Variants in CDK11A observed in about 807,000 individuals in gnomAD.
The protein encoded by CDK11A is cyclin-dependent kinase 11A.
Under a neutral mutation model 83.6 loss-of-function variants are expected in CDK11A, and 55 were observed. That is an observed-to-expected ratio of 0.66 (90% CI 0.53 to 0.82). The LOEUF is 0.82. CDK11A is among the 40% of genes least tolerant of loss of function. CDK11A has a pLI of 0.00. For missense variants in CDK11A, 564 were observed against 810.1 expected (o/e 0.70, Z 3.69); for synonymous variants, 247 against 302.7 (o/e 0.82, Z 1.91).
In CDK11A at chr1:1,704,072, C is replaced by T; in HGVS notation, c.1761G>A (p.Trp587Ter). The T allele has an allele frequency of 1.3e-6, 2 of 1,596,638 alleles. 1 individual carries two copies. The highest frequency in any genetic ancestry group is 1.7e-6 in the Non-Finnish European group (2 of 1,169,406). The change falls in exon 16 of 20, where the codon TGG becomes TGA. Residue 587 changes from tryptophan to a stop codon, truncating the protein, a stop_gained. Coordinates refer to ENST00000404249, the MANE Select transcript of CDK11A (RefSeq NM_024011.4). LOFTEE classifies it high-confidence loss of function. The stretch of plus-strand genomic sequence containing the variant: ...CAAGCAGCAGCTCTGGGGCGCGGTA[C>T]CACTGGGTCACCACGACCGGGGTGT... ...KAYTPVVVTQ[W>*]YRAPELLLGA...
In CDK11A at chr1:1,718,638, CTTT is replaced by C. The variant is rs70937182; in HGVS notation, c.355+687_355+689del. ...CACGTATGCTTTCAGCTAGAGTATT[CTTT>C]TTTTTTTTTTTGAGACGGAGTCTTG... On this transcript the variant is annotated intron_variant, in intron 4 of 19. Transcript: ENST00000404249. 1.2e-4 allele frequency among the ~76,000 whole-genome samples: 16 copies of C among 134,730 alleles called. 1 individual carries two copies. Among genetic ancestry groups the C allele is most frequent in the Non-Finnish European group, 2.4e-4 (15 of 63,220 alleles). The allele number at this position is 134,730 out of a possible 152,430, so 88.4% of individuals were successfully genotyped here.
chr1:1,706,770 G>C (rs1644328222), intron 11 of CDK11A, among the ~76,000 whole-genome samples: 2 of 150,936 alleles, frequency 1.3e-5, no homozygotes, highest in African/African-American at 4.9e-5. Context: ...CTAAGGGGCA[G>C]AGGCGCTCAC....
At chr1:1,704,501 G>A in intron 14 of CDK11A, 49 bp downstream of exon 14, 2 of 1,581,726 alleles carry the variant, frequency 1.3e-6, no homozygotes, top group South Asian at 1.2e-5. Context: ...GGGTGACCAG[G>A]ACACTGCCCC....
chr1:1,716,564 A>G, intron 4 of CDK11A, 86 bp from the exon 5 acceptor site: 4 of 1,437,594 alleles, frequency 2.8e-6, no homozygotes, highest in Admixed American at 3.7e-5. Context: ...CTGTAATCCC[A>G]GCACTTTGGG....
At chr1:1,715,380 G>A (rs1350104681) in intron 5 of CDK11A, among the ~76,000 whole-genome samples, 1 of 142,704 alleles carries the variant, frequency 7.0e-6, no homozygotes. Context: ...TACCTTCTGG[G>A]AAATCAATAT....
At position 1,719,385 on chromosome 1, in the gene CDK11A, T is replaced by C. The variant is rs542603674; in HGVS notation, c.298A>G (p.Arg100Gly). 1.2e-5 allele frequency: 18 copies of C among 1,538,522 alleles called. No homozygotes were observed. The African/African-American group carries it at 2.2e-4, about 19-fold the overall frequency. The part of the protein sequence containing the change: ...QMSRKEKVHH[R>G]KDEKRKEKCR... The stretch of plus-strand genomic sequence containing the variant: ...TTTTCTTTTCTCTTTTCATCTTTTC[T>C]GTGATGAACTTTTTCTTTCCGAGAC... Residue 100 changes from arginine (R) to glycine (G), a missense_variant, in exon 4 of 20, where the codon AGA becomes GGA. Coordinates refer to ENST00000404249, the MANE Select transcript of CDK11A (RefSeq NM_024011.4).
In CDK11A at chr1:1,708,900, C is replaced by CT; in HGVS notation, c.896dup (p.Glu300GlyfsTer7). On this transcript the variant is annotated frameshift_variant, in exon 9 of 20. Coordinates refer to ENST00000404249, the MANE Select transcript of CDK11A (RefSeq NM_024011.4). LOFTEE classifies it high-confidence loss of function. Reference sequence around the variant, plus strand: ...ATTCTTCACTGGTGCTCCCTTCCTCCTCCTCCTCTTCCTCCTCCTCCTCTT... The same window carrying CT: ...ATTCTTCACTGGTGCTCCCTTCCTCCTTCCTCCTCTTCCTCCTCCTCCTCTT... 1 of 923,774 alleles carries CT rather than the reference C, an allele frequency of 1.1e-6. No individual in the cohort carries two copies. Among genetic ancestry groups the CT allele is most frequent in the Non-Finnish European group, 1.7e-6 (1 of 587,578 alleles). 57.2% of individuals were successfully genotyped at this position (923,774 alleles called of 1,614,324 possible).
rs527733634 is a variant in CDK11A, at chr1:1,704,380, G to A, written c.1565-36C>T. 55 of 1,603,900 alleles carry A rather than the reference G, an allele frequency of 3.4e-5. 2 individuals are homozygous for A. The highest frequency in any genetic ancestry group is 2.5e-4 in the East Asian group (11 of 44,548). ...GGGAGGCTCCCATGTGGACCCGGCC[G>A]CCCCAAGCCCAGGGCACTCAGGGTG... On this transcript the variant is annotated intron_variant, in intron 14 of 19. Transcript: ENST00000404249.
At position 1,720,588 on chromosome 1, in the gene CDK11A, G is replaced by A. The variant is rs548823682; in HGVS notation, c.227+1008C>T. On this transcript the variant is annotated intron_variant, in intron 3 of 19. Transcript: ENST00000404249. ...TAATTTTTATATTTTTAGTAGAGAC[G>A]GGGTTTCACCATATTGGTCAGGCTG... 2.5e-4 allele frequency among the ~76,000 whole-genome samples: 37 copies of A among 146,416 alleles called. 1 individual carries two copies. The highest frequency in any genetic ancestry group is 8.8e-4 in the African/African-American group (35 of 39,808).
chr1:1,715,562 C>T (rs1054495182), intron 5 of CDK11A, among the ~76,000 whole-genome samples: 5 of 148,106 alleles, frequency 3.4e-5, no homozygotes, highest in African/African-American at 1.2e-4. Context: ...CGGACCTTGA[C>T]CCCTGGGCCT....
intron 4 of CDK11A, 130 bp downstream of exon 4, chr1:1,719,198 C>T: frequency 1.3e-6 from 1 of 795,772 alleles, no homozygotes; most frequent in Middle Eastern, 3.3e-4. Flanking sequence ...CGGTCTGTGA[C>T]ACCATTATGC....
chr1:1,707,312 C>G (rs1429353235), intron 11 of CDK11A, 97 bp downstream of exon 11: 2 of 1,243,416 alleles, frequency 1.6e-6, no homozygotes, highest in African/African-American at 3.2e-5. Flanking sequence ...CCCTGTGAGG[C>G]GACAGACGCC....
chr1:1,703,575 G>A lies in CDK11A; in HGVS notation c.1961C>T (p.Pro654Leu), dbSNP rs1373060240. The A allele has an allele frequency of 5.1e-6, 8 of 1,583,716 alleles. No individual in the cohort carries two copies. In the Admixed American group the frequency reaches 1.4e-4, roughly 27 times the overall value. Residue 654 changes from proline to leucine, a missense_variant, in exon 18 of 20, where the codon CCA (proline) becomes CTA (leucine). By Grantham distance (98) the Pro-to-Leu change is moderately conservative. This residue lies in a region of CDK11A where 361 missense variants were observed against 402.7 expected (regional missense o/e 0.90). Transcript: ENST00000404249. ...GCTGAAGGTCATCTTTTTGACTACTGGGAGCTCACTGTAGCCGGGCCAGAT... is the reference window on the plus strand; with the variant it reads ...GCTGAAGGTCATCTTTTTGACTACTAGGAGCTCACTGTAGCCGGGCCAGAT... Reference protein sequence around the residue: ...EKIWPGYSELPVVKKMTFSEH... With the variant: ...EKIWPGYSELLVVKKMTFSEH...
chr1:1,704,858 G>A lies in CDK11A; in HGVS notation c.1458+46C>T, dbSNP rs2377227. ...CCCCAGGACAGCACGGGGCCCTGTC[G>A]GAAAAGCCTTCCACCCGGGGCCAGG... On this transcript the variant is annotated intron_variant, in intron 13 of 19. Transcript: ENST00000404249. 6.0e-4 allele frequency: 966 copies of A among 1,606,520 alleles called. 41 individuals are homozygous for A. The highest frequency in any genetic ancestry group is 1.3e-3 in the East Asian group (56 of 44,564).
Position 1,719,443 on chromosome 1 carries a change from A to T in CDK11A, c.240T>A (p.Asp80Glu). 2.0e-6 allele frequency: 3 copies of T among 1,508,554 alleles called. No homozygotes were observed. The highest frequency in any genetic ancestry group is 2.7e-6 in the Non-Finnish European group (3 of 1,131,566). 93.4% of individuals were successfully genotyped at this position (1,508,554 alleles called of 1,614,324 possible). Residue 80 changes from aspartate to glutamate, a missense_variant, in exon 4 of 20, where the codon GAT becomes GAA. By Grantham distance (45) the Asp-to-Glu change is conservative (BLOSUM62 2). Transcript: ENST00000404249. ...GGGGTGGTTTGATGGCCAAAGAATC[A>T]TCTTCTTCTCCTCTGAAATAAAACA... ...EDSMEDRGEE[D>E]DSLAIKPPQQ...
chr1:1,704,548 A>C lies in CDK11A; in HGVS notation c.1564+2T>G. On this transcript the variant is annotated splice_donor_variant, in intron 14 of 19. Transcript: ENST00000404249. LOFTEE classifies it high-confidence loss of function. Reference sequence around the variant, plus strand: ...AGACAGGACCCCGGGGCGCGGCTGTACCTGGCAGGAAGGGCTGTTTCATGG... The same window carrying C: ...AGACAGGACCCCGGGGCGCGGCTGTCCCTGGCAGGAAGGGCTGTTTCATGG... The C allele has an allele frequency of 1.2e-6, 2 of 1,604,642 alleles. No individual in the cohort carries two copies. Among genetic ancestry groups the C allele is most frequent in the Non-Finnish European group, 1.7e-6 (2 of 1,174,766 alleles).
rs1644176702 is a variant in CDK11A, at chr1:1,703,655, C to A, written c.1912-31G>T. On this transcript the variant is annotated intron_variant, in intron 17 of 19. Transcript: ENST00000404249. ...AGACAGAGGTGCTTCAACAGCCACA[C>A]CAAGTGGCCCACAGTGTTGGCACCT... 6.3e-6 allele frequency: 10 copies of A among 1,580,478 alleles called. 1 individual carries two copies. The highest frequency in any genetic ancestry group is 8.6e-6 in the Non-Finnish European group (10 of 1,164,274).
intron 6 of CDK11A, 93 bp downstream of exon 6, chr1:1,712,171 G>C (rs976881598): frequency 6.3e-6 from 6 of 958,988 alleles, no homozygotes; most frequent in African/African-American, 5.2e-5. Flanking sequence ...GCAAGCACCG[G>C]AACCAAGCGC....
At chr1:1,721,757 T>C in intron 2 of CDK11A, 46 bp from the exon 3 acceptor site, 1 of 1,473,144 alleles carries the variant, frequency 6.8e-7, no homozygotes, top group Non-Finnish European at 9.2e-7. Context: ...TAAGTTTTTT[T>C]TTCTTCATAG....
Sources: gnomAD v4.1 joint callset for allele counts (sites outside exome capture counted in the v4.1 genomes callset) on GRCh38, gnomAD v4.1.1 for gene constraint, gnomAD v4.1.1 regional missense constraint, MANE v1.5 for transcripts, NCBI Gene and HGNC (gene_info 2026-07-23, HGNC 2026-07-21) for gene names.